Variants in SATB1 observed in about 807,000 individuals in gnomAD.
SATB1 encodes the protein SATB homeobox 1.
In SATB1, 11 loss-of-function variants were observed where a neutral mutation model predicts 86.9. That is an observed-to-expected ratio of 0.13 (90% CI 0.08 to 0.21). The LOEUF is 0.21. Among genes scored for constraint, SATB1 ranks in the 10% least tolerant of loss-of-function variants. The pLI is 1.00. For missense variants in SATB1, 551 were observed against 937.6 expected (o/e 0.59, Z 5.39); for synonymous variants, 357 against 357.2 (o/e 1.00, Z 0.01).
chr3:18,375,960 G>A (rs1244650315), intron 9 of SATB1, among the ~76,000 whole-genome samples: 1 of 152,192 alleles, frequency 6.6e-6, no homozygotes, highest in Non-Finnish European at 1.5e-5. Flanking sequence ...CTAGTAATGA[G>A]TAATTAGCTA....
At chr3:18,419,118 T>C (rs915592854) in intron 2 of SATB1, among the ~76,000 whole-genome samples, 3 of 152,212 alleles carry the variant, frequency 2.0e-5, no homozygotes, top group Admixed American at 6.5e-5. Flanking sequence ...GTGGATTTTA[T>C]TGATCATGTT....
rs1218347592 is a variant in SATB1 at position 18,345,843 on chromosome 3, CA to C, written c.*3326del. On this transcript the variant is annotated 3_prime_UTR_variant, in exon 11 of 11. Coordinates refer to ENST00000338745, the MANE Select transcript of SATB1 (RefSeq NM_002971.6). The stretch of plus-strand genomic sequence containing the variant: ...CATTTATTGAGAATATTGTGACAAT[CA>C]AAGACCTTAATATCAGCCAGATGCT... The C allele has an allele frequency of 1.3e-5, 2 of 151,970 alleles. No individual in the cohort carries two copies. The highest frequency in any genetic ancestry group is 1.5e-5 in the Non-Finnish European group (1 of 67,934). 9.4% of individuals were successfully genotyped at this position (151,970 alleles called of 1,614,324 possible).
chr3:18,372,794 C>T (rs913458944), intron 9 of SATB1, among the ~76,000 whole-genome samples: 5 of 152,078 alleles, frequency 3.3e-5, no homozygotes, highest in Admixed American at 6.5e-5. Flanking sequence ...AATATATCAA[C>T]GTTTTAGAAA....
At chr3:18,429,518 G>A (rs774687817), upstream of SATB1, among the ~76,000 whole-genome samples, 13 of 152,278 alleles carry the variant, frequency 8.5e-5, no homozygotes, top group East Asian at 1.9e-4. The surrounding 1 kb of genome is among the most constrained non-coding windows in gnomAD (Gnocchi z 4.1). Context: ...AAGATCCTAC[G>A]TCTTAAACAG....
intron 1 of SATB1, among the ~76,000 whole-genome samples, chr3:18,438,134 T>C (rs1699127573): frequency 6.6e-6 from 1 of 152,212 alleles, no homozygotes; most frequent in Non-Finnish European, 1.5e-5. Context: ...AAAACCTCTT[T>C]TGCCTTAAAG....
At chr3:18,395,185 A>G (rs146013743) in intron 6 of SATB1, among the ~76,000 whole-genome samples, 2 of 152,304 alleles carry the variant, frequency 1.3e-5, no homozygotes, top group African/African-American at 2.4e-5. Context: ...TTATTACCCA[A>G]ACTCTTTCCA....
intron 5 of SATB1, chr3:18,408,710 G>A (rs1456649367): frequency 6.7e-6 from 1 of 148,630 alleles, no homozygotes; most frequent in Non-Finnish European, 1.5e-5. Flanking sequence ...GTTGGGGGTT[G>A]TTCATGGTTT....
rs926495808 is a variant in SATB1 at position 18,371,710 on chromosome 3, C to T, written c.1575+6460G>A. ...ATTCATTTCACAGGGTCTTTATTTT[C>T]GTTTCTCATGTGAGGAAAAAAGAAG... On this transcript the variant is annotated intron_variant, in intron 9 of 10. Transcript: ENST00000338745. 4.6e-5 allele frequency among the ~76,000 whole-genome samples: 7 copies of T among 152,174 alleles called. No homozygotes were observed. In the East Asian group the frequency reaches 5.8e-4, roughly 13 times the overall value.
chr3:18,363,480 T>C (rs1464272814), intron 9 of SATB1, among the ~76,000 whole-genome samples: 2 of 152,162 alleles, frequency 1.3e-5, no homozygotes, highest in Non-Finnish European at 2.9e-5. Flanking sequence ...ACTGGGGCTT[T>C]GCACAGACTG....
intron 5 of SATB1, among the ~76,000 whole-genome samples, chr3:18,398,595 T>C (rs780367465): frequency 6.6e-6 from 1 of 152,182 alleles, no homozygotes; most frequent in Non-Finnish European, 1.5e-5. Context: ...TCAGTGTTAA[T>C]TCTGTAGCAT....
At chr3:18,402,595 C>T (rs958814461) in intron 5 of SATB1, among the ~76,000 whole-genome samples, 1 of 152,086 alleles carries the variant, frequency 6.6e-6, no homozygotes, top group Non-Finnish European at 1.5e-5. Context: ...ACCATATTTG[C>T]ATATTACAAT....
Position 18,386,391 on chromosome 3 carries a change from G to T in SATB1, c.1419+8C>A, listed in dbSNP as rs1435029222. 6.2e-7 allele frequency: 1 copy of T among 1,608,216 alleles called. No homozygotes were observed. The highest frequency in any genetic ancestry group is 1.3e-5 in the African/African-American group (1 of 74,794). Reference sequence around the variant, plus strand: ...CAAAGAAGGGCAAGGAGGAAAAGGAGACCGCACCTGGGGAGGACGGCTGGG... The same window carrying T: ...CAAAGAAGGGCAAGGAGGAAAAGGATACCGCACCTGGGGAGGACGGCTGGG... On this transcript the variant is annotated splice_region_variant and intron_variant, in intron 8 of 10. Coordinates refer to ENST00000338745, the MANE Select transcript of SATB1 (RefSeq NM_002971.6). This position sits in a 1 kb window ranked among gnomAD's most constrained non-coding sequence, Gnocchi z 4.5.
chr3:18,391,662 G>C (rs1363402692), intron 7 of SATB1, among the ~76,000 whole-genome samples: 2 of 151,706 alleles, frequency 1.3e-5, no homozygotes, highest in Non-Finnish European at 2.9e-5. Flanking sequence ...GTTGGAGTTG[G>C]AACTGCACAT....
intron 5 of SATB1, 84 bp from the exon 6 acceptor site, chr3:18,397,374 A>AT (rs1481557396): frequency 6.0e-6 from 5 of 827,868 alleles, no homozygotes; most frequent in Non-Finnish European, 8.2e-6. Context: ...TGGCAACTGT[A>AT]TTTTTTTAAT....
In SATB1 at chr3:18,444,462, C is replaced by G. The variant is rs1174025693; in HGVS notation, c.-25+1056G>C. On this transcript the variant is annotated intron_variant, in intron 1 of 3. Coordinates refer to the SATB1 transcript ENST00000415069. This position sits in a 1 kb window ranked among gnomAD's most constrained non-coding sequence, Gnocchi z 5.1. ...CTCGGAAGACCGTTGAAGCCCTGCG[C>G]CCACGAGAGGGGAGCCCAGCCGCCC... 3 of 421,858 alleles carry G rather than the reference C, an allele frequency of 7.1e-6. No individual in the cohort carries two copies. Among genetic ancestry groups the G allele is most frequent in the Non-Finnish European group, 3.2e-6 (1 of 315,080 alleles). The allele number at this position is 421,858 out of a possible 1,614,324, so 26.1% of individuals were successfully genotyped here.
At chr3:18,411,286 G>C (rs911969718) in intron 5 of SATB1, among the ~76,000 whole-genome samples, 1 of 152,054 alleles carries the variant, frequency 6.6e-6, no homozygotes, top group Non-Finnish European at 1.5e-5. Flanking sequence ...GTGTGCACGC[G>C]CGAGTATGTA....
rs1279927277 is a variant in SATB1, at chr3:18,394,305, G to A, written c.1206+157C>T. Among the ~76,000 whole-genome samples, 1 of 152,168 alleles carries A rather than the reference G, an allele frequency of 6.6e-6. No homozygotes were observed. Among genetic ancestry groups the A allele is most frequent in the East Asian group, 1.9e-4 (1 of 5,202 alleles). On this transcript the variant is annotated intron_variant, in intron 7 of 10. Coordinates refer to ENST00000338745, the MANE Select transcript of SATB1 (RefSeq NM_002971.6). The surrounding 1 kb of genome is among the most constrained non-coding windows in gnomAD (Gnocchi z 5.9). The stretch of plus-strand genomic sequence containing the variant: ...GAAGTATATCATAGGAAAAGGAGTG[G>A]TAAAATTGAGGCTCCACCAGGAATA...
intron 9 of SATB1, among the ~76,000 whole-genome samples, chr3:18,354,714 G>GA (rs1274470693): frequency 1.3e-5 from 2 of 151,870 alleles, no homozygotes; most frequent in Admixed American, 6.6e-5. Context: ...GGATATATGT[G>GA]AAAAAAACAT....
At chr3:18,373,199 T>C (rs968856084) in intron 9 of SATB1, among the ~76,000 whole-genome samples, 2 of 152,194 alleles carry the variant, frequency 1.3e-5, no homozygotes, top group Non-Finnish European at 1.5e-5. Context: ...GAAGGGGCTC[T>C]TAGGCCACAA....
Sources: gnomAD v4.1 joint callset for allele counts (sites outside exome capture counted in the v4.1 genomes callset) on GRCh38, gnomAD v4.1.1 for gene constraint, Gnocchi (gnomAD v3.1) non-coding constraint, MANE v1.5 for transcripts, NCBI Gene and HGNC (gene_info 2026-07-23, HGNC 2026-07-21) for gene names.